PMFBP1: variants seen among roughly 807,000 people sequenced by gnomAD.
PMFBP1 encodes the protein polyamine modulated factor 1 binding protein 1.
A neutral mutation model predicts 137.8 loss-of-function variants in PMFBP1; 131 were observed. The ratio of observed to expected loss-of-function variants is 0.95; its 90% CI spans 0.82 to 1.10. The LOEUF (loss-of-function observed/expected upper bound fraction) is 1.10. PMFBP1 is among the 50% of genes least tolerant of loss of function. PMFBP1 has a pLI of 0.00. For missense variants in PMFBP1, 1,199 were observed against 1,175.4 expected (o/e 1.02, Z -0.29); for synonymous variants, 490 against 450.4 (o/e 1.09, Z -1.11).
At chr16:72,138,454 G>A (rs1308270298) in intron 7 of PMFBP1, among the ~76,000 whole-genome samples, 1 of 152,212 alleles carries the variant, frequency 6.6e-6, no homozygotes, top group Non-Finnish European at 1.5e-5. Context: ...GACTTAACAG[G>A]ACCTCACCTA....
At chr16:72,126,974 C>T (rs1396111116) in intron 14 of PMFBP1, among the ~76,000 whole-genome samples, 2 of 152,112 alleles carry the variant, frequency 1.3e-5, no homozygotes, top group South Asian at 2.1e-4. Context: ...TTTTACTATA[C>T]GACTATGAGT....
At chr16:72,155,359 C>G (rs2042965678) in intron 3 of PMFBP1, among the ~76,000 whole-genome samples, 1 of 152,186 alleles carries the variant, frequency 6.6e-6, no homozygotes, top group Non-Finnish European at 1.5e-5. Context: ...AAATCCTGCT[C>G]TCCTTCCTGT....
intron 19 of PMFBP1, among the ~76,000 whole-genome samples, chr16:72,121,498 G>T (rs373569826): frequency 6.6e-6 from 1 of 152,322 alleles, no homozygotes; most frequent in East Asian, 1.9e-4. Context: ...CCTAGAATAG[G>T]GCTTTCCACC....
chr16:72,227,270 A>G, the PMFBP1 span, among the ~76,000 whole-genome samples: 1 of 152,212 alleles, frequency 6.6e-6, no homozygotes, highest in Non-Finnish European at 1.5e-5. Flanking sequence ...CTGCACTGTT[A>G]TTCTGAAAGA....
At chr16:72,245,103 A>C in the PMFBP1 span, among the ~76,000 whole-genome samples, 4 of 152,266 alleles carry the variant, frequency 2.6e-5, 1 homozygote. Flanking sequence ...CCTAGGGCTA[A>C]AGGGATTAAT....
the PMFBP1 span, among the ~76,000 whole-genome samples, chr16:72,243,530 C>A: frequency 6.6e-6 from 1 of 152,196 alleles, no homozygotes; most frequent in African/African-American, 2.4e-5. Context: ...GGAGATTTGT[C>A]ATTTCTTGCC....
At chr16:72,168,479 A>T (rs1227467596) in intron 2 of PMFBP1, among the ~76,000 whole-genome samples, 1 of 152,224 alleles carries the variant, frequency 6.6e-6, no homozygotes, top group South Asian at 2.1e-4. Context: ...TTCCAGGCAG[A>T]TGCCTTTTGA....
the PMFBP1 span, among the ~76,000 whole-genome samples, chr16:72,194,124 A>G: frequency 1.3e-5 from 2 of 151,952 alleles, no homozygotes; most frequent in African/African-American, 4.8e-5. Flanking sequence ...GGGAATGTGC[A>G]TTTCTGGACC....
the PMFBP1 span, among the ~76,000 whole-genome samples, chr16:72,195,377 C>T: frequency 1.4e-3 from 212 of 152,210 alleles, 2 homozygotes; most frequent in Admixed American, 2.6e-3. Flanking sequence ...TCTCCCTGCC[C>T]GCTTCTGCTC....
chr16:72,123,485 T>G (rs4788606), intron 18 of PMFBP1, 61 bp downstream of exon 18: 200,446 of 1,459,914 alleles, frequency 0.14, 15,041 homozygotes, highest in Non-Finnish European at 0.16. Context: ...TTGGCACGCA[T>G]GTGGCTCCTC....
At chr16:72,200,598 A>G in the PMFBP1 span, among the ~76,000 whole-genome samples, 1 of 152,270 alleles carries the variant, frequency 6.6e-6, no homozygotes, top group African/African-American at 2.4e-5. Flanking sequence ...GAAGCATTTT[A>G]TTCCTGATGA....
rs958765956 is a variant in PMFBP1 at position 72,143,955 on chromosome 16, C to T, written c.637-3373G>A. ...ACTCGGGAGGCTGAGGCAGGAGAAT[C>T]GCTTGAACCTGGGAGGCGGATGTTG... On this transcript the variant is annotated intron_variant, in intron 5 of 20. Transcript: ENST00000237353. Among the ~76,000 whole-genome samples, 11 of 151,946 alleles carry T rather than the reference C, an allele frequency of 7.2e-5. No homozygotes were observed. The South Asian group carries it at 1.9e-3, about 26-fold the overall frequency.
the PMFBP1 span, among the ~76,000 whole-genome samples, chr16:72,227,906 T>C: frequency 6.6e-6 from 1 of 152,250 alleles, no homozygotes; most frequent in African/African-American, 2.4e-5. Context: ...TATTATGTTA[T>C]CACATTCTTA....
chr16:72,137,081 A>G (rs2042643438), intron 7 of PMFBP1, among the ~76,000 whole-genome samples: 1 of 152,196 alleles, frequency 6.6e-6, no homozygotes, highest in Non-Finnish European at 1.5e-5. Flanking sequence ...GAATTTTATA[A>G]TTTGTCCATT....
chr16:72,223,131 T>A, the PMFBP1 span, among the ~76,000 whole-genome samples: 2 of 152,114 alleles, frequency 1.3e-5, no homozygotes, highest in African/African-American at 2.4e-5. Context: ...CTTCCTGTTC[T>A]CCAGGACATC....
At chr16:72,183,356 G>T in the PMFBP1 span, among the ~76,000 whole-genome samples, 1 of 152,160 alleles carries the variant, frequency 6.6e-6, no homozygotes, top group African/African-American at 2.4e-5. Context: ...AGGTGTTGGT[G>T]GGGTTGGTTC....
chr16:72,170,736 A>C (rs1162943687), intron 2 of PMFBP1, among the ~76,000 whole-genome samples: 1 of 152,140 alleles, frequency 6.6e-6, no homozygotes, highest in Non-Finnish European at 1.5e-5. Flanking sequence ...CTGGCCCCAT[A>C]AACACAGTTT....
chr16:72,125,065 AG>A, intron 16 of PMFBP1, 131 bp from the exon 17 acceptor site: 1 of 1,376,322 alleles, frequency 7.3e-7, no homozygotes, highest in Non-Finnish European at 9.9e-7. Flanking sequence ...TGGCCAGCAG[AG>A]GGCACCCATG....
chr16:72,136,527 A>T lies in PMFBP1; in HGVS notation c.1124T>A (p.Ile375Asn). Residue 375 changes from isoleucine to asparagine, a missense_variant, in exon 9 of 21, where the codon ATC (isoleucine) becomes AAC (asparagine). Transcript: ENST00000237353. Reference sequence around the variant, plus strand: ...CTGCAGCCGGCACTGCAGGATGGTGATGTCCTTATCCTTCCTCTCAATGTG... The same window carrying T: ...CTGCAGCCGGCACTGCAGGATGGTGTTGTCCTTATCCTTCCTCTCAATGTG... ...SAHIERKDKD[I>N]TILQCRLQEL... 6.2e-7 allele frequency: 1 copy of T among 1,613,688 alleles called. No homozygotes were observed. The highest frequency in any genetic ancestry group is 1.3e-5 in the African/African-American group (1 of 74,852).
Sources: allele counts gnomAD v4.1 joint callset (sites outside exome capture counted in the v4.1 genomes callset), GRCh38; gene constraint gnomAD v4.1.1; transcripts MANE v1.5; gene names NCBI Gene and HGNC (gene_info 2026-07-23, HGNC 2026-07-21).